Variants in PLXNA4 observed in about 807,000 individuals in gnomAD.
PLXNA4 encodes plexin A4.
In PLXNA4, 44 loss-of-function variants were observed where a neutral mutation model predicts 191.8. That is an observed-to-expected ratio of 0.23 (90% confidence interval 0.18 to 0.29). The LOEUF (loss-of-function observed/expected upper bound fraction) is 0.29, where lower values mean the gene tolerates loss of function less well. Ranked by LOEUF, PLXNA4 falls within the 10% of genes least tolerant of loss-of-function variation. PLXNA4 has a pLI of 1.00. For synonymous variants in PLXNA4, 1,082 were observed against 1,009.5 expected (o/e 1.07, Z -1.36); for missense variants, 1,800 against 2,488.8 (o/e 0.72, Z 5.89).
intron 3 of PLXNA4, among the ~76,000 whole-genome samples, chr7:132,439,284 G>GCCATT (rs2117237763): frequency 6.6e-6 from 1 of 152,280 alleles, no homozygotes; most frequent in Admixed American, 6.5e-5. Flanking sequence ...GGCCAATGAA[G>GCCATT]CCATCCCTGG....
chr7:132,390,855 T>C (rs2116990658), intron 3 of PLXNA4, among the ~76,000 whole-genome samples: 1 of 152,348 alleles, frequency 6.6e-6, no homozygotes, highest in African/African-American at 2.4e-5. Context: ...AAGGCCTTTC[T>C]GTTCTCCTTT....
At chr7:132,623,880 GC>G (rs1803321441) in intron 2 of PLXNA4, among the ~76,000 whole-genome samples, 1 of 152,186 alleles carries the variant, frequency 6.6e-6, no homozygotes, top group African/African-American at 2.4e-5. Flanking sequence ...CTGCTTAGTT[GC>G]TTTTTGCCTG....
intron 3 of PLXNA4, among the ~76,000 whole-genome samples, chr7:132,325,189 G>T (rs563702231): frequency 1.5e-3 from 222 of 152,314 alleles, no homozygotes; most frequent in African/African-American, 5.0e-3. Context: ...CTGTTCAAGT[G>T]GCTTCTAGGG....
chr7:132,507,497 TG>T lies in PLXNA4; in HGVS notation c.1188+8del. On this transcript the variant is annotated splice_region_variant and intron_variant, in intron 2 of 31. Transcript: ENST00000321063. ...AACCATCCCAGCGCGCAGCCCTCCC[TG>T]TACTCACCGCACTGCTGCAGGGGAT... The T allele has an allele frequency of 6.2e-7, 1 of 1,603,882 alleles. No homozygotes were observed. Among genetic ancestry groups the T allele is most frequent in the African/African-American group, 1.3e-5 (1 of 74,990 alleles).
chr7:132,263,864 A>G (rs1799746145), intron 4 of PLXNA4, among the ~76,000 whole-genome samples: 1 of 152,182 alleles, frequency 6.6e-6, no homozygotes, highest in Non-Finnish European at 1.5e-5. Context: ...GGGAAATAGC[A>G]AGTACTAAAC....
At chr7:132,564,232 CTCT>C (rs147314202) in intron 1 of PLXNA4, among the ~76,000 whole-genome samples, 2,421 of 135,050 alleles carry the variant, frequency 0.018, 185 homozygotes, top group East Asian at 0.18. Context: ...CCTCCTCCTC[CTCT>C]TCCTCCTCCT....
At chr7:132,561,602 CTCCT>C (rs1801083721) in intron 1 of PLXNA4, among the ~76,000 whole-genome samples, 1 of 118,918 alleles carries the variant, frequency 8.4e-6, no homozygotes, top group African/African-American at 3.2e-5. Context: ...TCTCTTCCTC[CTCCT>C]TCTCTTCCTC....
chr7:132,266,766 C>T (rs2116296453), intron 4 of PLXNA4, among the ~76,000 whole-genome samples: 1 of 152,346 alleles, frequency 6.6e-6, no homozygotes, highest in East Asian at 1.9e-4. Context: ...TTCTACTTTC[C>T]ATCCAAGGGT....
intron 2 of PLXNA4, among the ~76,000 whole-genome samples, chr7:132,590,682 T>C (rs1802590633): frequency 6.6e-6 from 1 of 152,198 alleles, no homozygotes; most frequent in South Asian, 2.1e-4. Flanking sequence ...GCTGATTAGC[T>C]GGTACCCACG....
chr7:132,220,235 TCTTTA>T (rs1798099582), intron 9 of PLXNA4, among the ~76,000 whole-genome samples: 1 of 152,182 alleles, frequency 6.6e-6, no homozygotes, highest in African/African-American at 2.4e-5. Flanking sequence ...CACACATACT[TCTTTA>T]CTTGTTTCCT....
At chr7:132,210,734 G>T (rs1246579623) in intron 10 of PLXNA4, among the ~76,000 whole-genome samples, 2 of 152,200 alleles carry the variant, frequency 1.3e-5, no homozygotes, top group Non-Finnish European at 2.9e-5. Flanking sequence ...ACTAGGGCCA[G>T]GCCCTGGGTG....
intron 2 of PLXNA4, among the ~76,000 whole-genome samples, chr7:132,637,716 C>T (rs761887355): frequency 2.0e-5 from 3 of 152,326 alleles, no homozygotes; most frequent in Admixed American, 1.3e-4. Context: ...CATCAACAAG[C>T]AAATAACTGA....
chr7:132,369,935 C>T (rs902917605), intron 3 of PLXNA4, among the ~76,000 whole-genome samples: 9 of 151,926 alleles, frequency 5.9e-5, no homozygotes, highest in African/African-American at 1.4e-4. Flanking sequence ...GGGTGTGGTG[C>T]CAGGTGCCTG....
intron 2 of PLXNA4, among the ~76,000 whole-genome samples, chr7:132,641,547 T>C (rs1322904364): frequency 1.3e-5 from 2 of 152,154 alleles, no homozygotes; most frequent in African/African-American, 2.4e-5. Flanking sequence ...AGCTCCAACA[T>C]GTGACTTTAA....
intron 24 of PLXNA4, among the ~76,000 whole-genome samples, chr7:132,161,720 C>A (rs543594902): frequency 6.6e-6 from 1 of 150,628 alleles, no homozygotes. Flanking sequence ...CGGGCGGGCA[C>A]CTAGCGCTCT....
rs191671332 is a variant in PLXNA4 at position 132,274,796 on chromosome 7, C to G, written c.1503+23295G>C. The stretch of plus-strand genomic sequence containing the variant: ...TTTTTTTTTTTTTTTTTTTAAGAGA[C>G]AGGGTCTCACTATGTCACCCAGGCT... On this transcript the variant is annotated intron_variant, in intron 4 of 31. Transcript: ENST00000321063. Among the ~76,000 whole-genome samples, 573 of 115,096 alleles carry G rather than the reference C, an allele frequency of 5.0e-3. 3 individuals carry two copies. The highest frequency in any genetic ancestry group is 0.018 in the African/African-American group (529 of 29,340). The allele number at this position is 115,096 out of a possible 152,430, so 75.5% of individuals were successfully genotyped here.
intron 3 of PLXNA4, among the ~76,000 whole-genome samples, chr7:132,386,020 A>T (rs1009750988): frequency 6.6e-6 from 1 of 152,170 alleles, no homozygotes; most frequent in Non-Finnish European, 1.5e-5. Flanking sequence ...TTTTAAACTT[A>T]ATTAGCATTT....
intron 1 of PLXNA4, among the ~76,000 whole-genome samples, chr7:132,512,873 A>ATT (rs1364662537): frequency 6.6e-6 from 1 of 152,172 alleles, no homozygotes; most frequent in African/African-American, 2.4e-5. Flanking sequence ...TCAAGTCACC[A>ATT]TTTAGCTAGT....
chr7:132,512,393 A>G (rs1169328423), intron 1 of PLXNA4, among the ~76,000 whole-genome samples: 1 of 152,196 alleles, frequency 6.6e-6, no homozygotes, highest in African/African-American at 2.4e-5. Context: ...CTCATTCTGC[A>G]TCTTCTATTA....
Sources: allele counts gnomAD v4.1 joint callset (sites outside exome capture counted in the v4.1 genomes callset), GRCh38; gene constraint gnomAD v4.1.1; transcripts MANE v1.5; gene names NCBI Gene and HGNC (gene_info 2026-07-23, HGNC 2026-07-21).